ALPK3: variants seen among roughly 807,000 people sequenced by gnomAD.
ALPK3 encodes the protein alpha-protein kinase 3.
In ALPK3, 102 loss-of-function variants were observed where a neutral mutation model predicts 140.0. That is an observed-to-expected ratio of 0.73 (90% CI 0.62 to 0.86). ALPK3 has a LOEUF of 0.86. ALPK3 is among the 40% of genes least tolerant of loss of function. The probability of loss-of-function intolerance (pLI) is 0.00; values close to 1 mark genes in which losing one functional copy is unlikely to be tolerated. For missense variants in ALPK3, 2,254 were observed against 2,208.2 expected, an observed-to-expected ratio of 1.02 and a Z score of -0.42; for synonymous variants, 938 against 898.5, an observed-to-expected ratio of 1.04 and a Z score of -0.79.
At position 84,853,578 on chromosome 15, in the gene ALPK3, C is replaced by T. The variant is rs368821565; in HGVS notation, c.1654-2814C>T. Among the ~76,000 whole-genome samples, 21 of 152,192 alleles carry T rather than the reference C, an allele frequency of 1.4e-4. No individual in the cohort carries two copies. In the South Asian group the frequency reaches 3.1e-3, roughly 23 times the overall value. On this transcript the variant is annotated intron_variant, in intron 5 of 13. Coordinates refer to ENST00000258888, the MANE Select transcript of ALPK3 (RefSeq NM_020778.5). ...CCAGTCAGCCAAGATCATGCCAGTGCGCTCCAGCCTGGGTGACAGAGCGAG... is the reference window on the plus strand; with the variant it reads ...CCAGTCAGCCAAGATCATGCCAGTGTGCTCCAGCCTGGGTGACAGAGCGAG...
intron 5 of ALPK3, among the ~76,000 whole-genome samples, chr15:84,847,146 T>C (rs571172046): frequency 3.3e-5 from 5 of 149,900 alleles, no homozygotes; most frequent in African/African-American, 1.2e-4. Context: ...CAATAGAAAT[T>C]ATTCAATCTG....
At position 84,856,880 on chromosome 15, in the gene ALPK3, G is replaced by A. The variant is rs1963868180; in HGVS notation, c.2142G>A (p.Gly714=). ...GAGAGAAGGGGACGCAGTCAGAGGG[G>A]AGCGCGCCCACAGCCATGGAAGGTC... ...MQGEKGTQSE[G]SAPTAMEGQS... is the part of the protein sequence containing the mutation. Residue 714 remains glycine, a synonymous_variant, in exon 6 of 14, where the codon GGG becomes GGA. Coordinates refer to ENST00000258888, the MANE Select transcript of ALPK3 (RefSeq NM_020778.5). The A allele has an allele frequency of 2.5e-6, 4 of 1,613,912 alleles. No individual in the cohort carries two copies. The Admixed American group carries it at 5.0e-5, about 20-fold the overall frequency.
chr15:84,853,636 C>T (rs141749601), intron 5 of ALPK3, among the ~76,000 whole-genome samples: 1 of 152,028 alleles, frequency 6.6e-6, no homozygotes, highest in African/African-American at 2.4e-5. Context: ...AAAGATTCTT[C>T]AGTCAGCCTG....
chr15:84,865,697 G>A (rs1423886598), intron 12 of ALPK3, among the ~76,000 whole-genome samples: 3 of 152,200 alleles, frequency 2.0e-5, no homozygotes, highest in African/African-American at 2.4e-5. Context: ...GGAGGCTCAC[G>A]CCTGTAATCC....
chr15:84,850,879 T>TATATACACAC lies in ALPK3; in HGVS notation c.1654-5512_1654-5511insTATACACACA, dbSNP rs144798232. On this transcript the variant is annotated intron_variant, in intron 5 of 13. Coordinates refer to ENST00000258888, the MANE Select transcript of ALPK3 (RefSeq NM_020778.5). Reference sequence around the variant, plus strand: ...TCATATCTTTACACAGTTCCAGATATACACACACACACACACACACACACA... The same window carrying TATATACACAC: ...TCATATCTTTACACAGTTCCAGATATATATACACACACACACACACACACACACACACACA... 3.1e-3 allele frequency among the ~76,000 whole-genome samples: 438 copies of TATATACACAC among 142,464 alleles called. 3 individuals are homozygous for TATATACACAC. Among genetic ancestry groups the TATATACACAC allele is most frequent in the South Asian group, 0.014 (63 of 4,454 alleles). The allele number at this position is 142,464 out of a possible 152,430, so 93.5% of individuals were successfully genotyped here.
At position 84,868,275 on chromosome 15, in the gene ALPK3, G is replaced by C; in HGVS notation, c.4937G>C (p.Gly1646Ala). 6.2e-7 allele frequency: 1 copy of C among 1,614,142 alleles called. No homozygotes were observed. Among genetic ancestry groups the C allele is most frequent in the Non-Finnish European group, 8.5e-7 (1 of 1,179,982 alleles). Residue 1646 changes from glycine (G) to alanine (A), a missense_variant, in exon 14 of 14, where the codon GGC becomes GCC. Physicochemically the swap from Gly to Ala is moderately conservative, Grantham distance 60. Around this residue, in one of 3 missense-constraint regions of ALPK3, gnomAD observed 158 missense variants for 159.8 expected, o/e 0.99. Transcript: ENST00000258888. ...AAAGGCTCTAAGAGTCCATCTGCTG[G>C]CAGGAAAGGCTCCCAGCTGAGTCCT... Reference protein sequence around the residue: ...KAKGSKSPSAGRKGSQLSPQP... With the variant: ...KAKGSKSPSAARKGSQLSPQP...
chr15:84,858,351 C>T lies in ALPK3; in HGVS notation c.3613C>T (p.Pro1205Ser), dbSNP rs746732881. 2 of 1,554,878 alleles carry T rather than the reference C, an allele frequency of 1.3e-6. No individual in the cohort carries two copies. The highest frequency in any genetic ancestry group is 3.9e-5 in the Admixed American group (2 of 51,406). The change falls in exon 6 of 14, where the codon CCA (proline) becomes TCA (serine). Residue 1205 changes from proline (P) to serine (S), a missense_variant. Transcript: ENST00000258888. ...GPRKSLVPGSPGTPGRERRSP... is the reference protein window; with the variant it reads ...GPRKSLVPGSSGTPGRERRSP... ...CAGGAAAAGCCTGGTGCCTGGGTCCCCAGGGACTCCAGGGCGGGAGAGACG... is the reference window on the plus strand; with the variant it reads ...CAGGAAAAGCCTGGTGCCTGGGTCCTCAGGGACTCCAGGGCGGGAGAGACG...
At chr15:84,836,258 C>A (rs1345218336) in intron 3 of ALPK3, among the ~76,000 whole-genome samples, 2 of 152,046 alleles carry the variant, frequency 1.3e-5, no homozygotes, top group Non-Finnish European at 2.9e-5. Context: ...TCACAGGGCC[C>A]AGATCATGAG....
At chr15:84,846,536 G>A (rs1336465693) in intron 5 of ALPK3, among the ~76,000 whole-genome samples, 3 of 152,006 alleles carry the variant, frequency 2.0e-5, no homozygotes, top group African/African-American at 4.8e-5. Context: ...ATACAAAAAA[G>A]TTAGCTGGGC....
chr15:84,859,561 G>C (rs1248406446), intron 7 of ALPK3, among the ~76,000 whole-genome samples, 171 bp downstream of exon 7: 1 of 152,194 alleles, frequency 6.6e-6, no homozygotes, highest in African/African-American at 2.4e-5. Flanking sequence ...CATTCTTTAA[G>C]CCACTTGTCC....
intron 5 of ALPK3, among the ~76,000 whole-genome samples, chr15:84,852,786 G>C (rs1193442178): frequency 6.6e-6 from 1 of 152,238 alleles, no homozygotes; most frequent in East Asian, 1.9e-4. Flanking sequence ...TATCCTGTCA[G>C]TGATGATAAG....
chr15:84,861,876 T>C (rs1232620756), intron 9 of ALPK3, among the ~76,000 whole-genome samples: 1 of 152,234 alleles, frequency 6.6e-6, no homozygotes, highest in Non-Finnish European at 1.5e-5. Context: ...GTTGCAACTA[T>C]GAATACATGG....
chr15:84,844,237 C>CA lies in ALPK3; in HGVS notation c.1653+3312dup, dbSNP rs1021349916. On this transcript the variant is annotated intron_variant, in intron 5 of 13. Coordinates refer to ENST00000258888, the MANE Select transcript of ALPK3 (RefSeq NM_020778.5). ...AGTGAGGCTCCATCTCAAAAAAACC[C>CA]AAAAAAACAAAAAACAAAAATTAGC... Among the ~76,000 whole-genome samples the CA allele has an allele frequency of 3.3e-5, 5 of 150,866 alleles. No individual in the cohort carries two copies. The East Asian group carries it at 9.8e-4, about 29-fold the overall frequency.
chr15:84,838,902 G>A (rs528562769), intron 3 of ALPK3, 78 bp from the exon 4 acceptor site: 24 of 1,281,930 alleles, frequency 1.9e-5, no homozygotes, highest in East Asian at 1.7e-4. Context: ...GATTACAGGC[G>A]TGAGCCACCG....
intron 3 of ALPK3, among the ~76,000 whole-genome samples, chr15:84,837,378 C>T (rs984052343): frequency 1.3e-4 from 20 of 152,234 alleles, no homozygotes; most frequent in African/African-American, 2.6e-4. Context: ...AGTGAGGGGC[C>T]GCTTTACTTA....
Position 84,840,114 on chromosome 15 carries a change from G to T in ALPK3, c.835G>T (p.Glu279Ter), listed in dbSNP as rs370072439. 2 of 1,614,014 alleles carry T rather than the reference G, an allele frequency of 1.2e-6. No individual in the cohort carries two copies. Among genetic ancestry groups the T allele is most frequent in the African/African-American group, 2.7e-5 (2 of 74,914 alleles). Reference protein sequence around the residue: ...FASGEVTTNGEAAPENGEDGE... With the variant: ...FASGEVTTNG Reference sequence around the variant, plus strand: ...TTCTGGAGAAGTGACCACCAACGGGGAGGCTGCCCCCGAGAATGGAGAGGA... The same window carrying T: ...TTCTGGAGAAGTGACCACCAACGGGTAGGCTGCCCCCGAGAATGGAGAGGA... The change falls in exon 5 of 14, where the codon GAG becomes TAG. Residue 279 changes from glutamate (E) to a stop codon, truncating the protein, a stop_gained. Transcript: ENST00000258888. LOFTEE classifies it high-confidence loss of function.
intron 7 of ALPK3, 129 bp downstream of exon 7, chr15:84,859,519 C>A: frequency 1.5e-6 from 2 of 1,350,082 alleles, no homozygotes; most frequent in Non-Finnish European, 2.0e-6. Flanking sequence ...TCCTTTTATT[C>A]CCATAGTAGA....
chr15:84,844,331 T>C (rs1963704354), intron 5 of ALPK3, among the ~76,000 whole-genome samples: 1 of 151,958 alleles, frequency 6.6e-6, no homozygotes, highest in African/African-American at 2.4e-5. Context: ...CACTTAAACC[T>C]GGGAAGCAGA....
intron 5 of ALPK3, among the ~76,000 whole-genome samples, chr15:84,852,131 G>A (rs563806772): frequency 6.6e-6 from 1 of 152,212 alleles, no homozygotes; most frequent in African/African-American, 2.4e-5. Flanking sequence ...ATTAGGCACC[G>A]TAAGAGATTA....
Sources: allele counts gnomAD v4.1 joint callset (sites outside exome capture counted in the v4.1 genomes callset), GRCh38; gene constraint gnomAD v4.1.1; regional missense constraint gnomAD v4.1.1; transcripts MANE v1.5; gene names NCBI Gene and HGNC (gene_info 2026-07-23, HGNC 2026-07-21).